The following FRMPD3 variants were observed in gnomAD, a reference collection of about 807,000 sequenced individuals.
The protein encoded by FRMPD3 is FERM and PDZ domain containing 3, also known as FERM and PDZ domain-containing protein 3.
A neutral mutation model predicts 97.9 loss-of-function variants in FRMPD3; 42 were observed. The observed-to-expected ratio is 0.43, with a 90% CI of 0.34 to 0.55. The LOEUF is 0.55. Ranked by LOEUF, FRMPD3 falls within the 20% of genes least tolerant of loss-of-function variation. The probability of loss-of-function intolerance (pLI) is 0.03; values close to 1 mark genes in which losing one functional copy is unlikely to be tolerated. For synonymous variants in FRMPD3, 577 were observed against 581.1 expected, an observed-to-expected ratio of 0.99 and a Z score of 0.10; for missense variants, 1,303 against 1,457.7, an observed-to-expected ratio of 0.89 and a Z score of 1.73.
intron 1 of FRMPD3, among the ~76,000 whole-genome samples, chrX:107,472,549 G>T (rs1183927979): frequency 9.0e-6 from 1 of 110,960 alleles, no homozygotes; most frequent in East Asian, 2.8e-4. Context: ...ACCATAATAA[G>T]TGTGTGAATC....
intron 1 of FRMPD3, among the ~76,000 whole-genome samples, chrX:107,474,425 T>C (rs918305117): frequency 5.5e-5 from 6 of 109,912 alleles, no homozygotes; most frequent in African/African-American, 2.0e-4. Context: ...AGCACAGGGA[T>C]CAAGAGATAG....
At chrX:107,478,699 G>T (rs934298042) in intron 1 of FRMPD3, among the ~76,000 whole-genome samples, 3 of 112,091 alleles carry the variant, frequency 2.7e-5, no homozygotes, top group African/African-American at 9.7e-5. Context: ...GGTTTTGCTA[G>T]ATTGTAAAGC....
intron 1 of FRMPD3, among the ~76,000 whole-genome samples, chrX:107,496,057 C>T (rs769320173): frequency 1.8e-5 from 2 of 111,817 alleles, no homozygotes; most frequent in South Asian, 3.8e-4. Context: ...ATGATAGTAT[C>T]AAGCTGACAG....
chrX:107,571,334 T>C (rs566908365), intron 12 of FRMPD3, among the ~76,000 whole-genome samples: 3 of 112,479 alleles, frequency 2.7e-5, no homozygotes, highest in African/African-American at 9.7e-5. Flanking sequence ...TTGCCTGCTT[T>C]TGATTTCATT....
At position 107,597,945 on chromosome X, in the gene FRMPD3, A is replaced by G. The variant is rs111382527; in HGVS notation, c.2066A>G (p.Gln689Arg). 8.3e-7 allele frequency: 1 copy of G among 1,208,802 alleles called. No individual in the cohort carries two copies. Among genetic ancestry groups the G allele is most frequent in the African/African-American group, 1.8e-5 (1 of 57,061 alleles). Residue 689 changes from glutamine (Q) to arginine (R), a missense_variant, in exon 14 of 15, where the codon CAG (glutamine) becomes CGG (arginine). Gln to Arg is a conservative substitution (Grantham distance 43, BLOSUM62 1). Transcript: ENST00000683843. ...DEDDPKRRAVQSQEQGRHLRG... is the reference protein window; with the variant it reads ...DEDDPKRRAVRSQEQGRHLRG... ...GATGACCCCAAGCGCCGGGCTGTCC[A>G]GAGCCAGGAACAAGGACGCCACCTG...
intron 1 of FRMPD3, among the ~76,000 whole-genome samples, chrX:107,485,294 CA>C (rs1921476599): frequency 8.9e-6 from 1 of 112,137 alleles, no homozygotes; most frequent in Non-Finnish European, 1.9e-5. Flanking sequence ...CGAGTCTTTG[CA>C]GGGACTGCAA....
chrX:107,500,094 A>G (rs775840373), intron 1 of FRMPD3, among the ~76,000 whole-genome samples: 1 of 111,895 alleles, frequency 8.9e-6, no homozygotes, highest in Non-Finnish European at 1.9e-5. Context: ...TTTCCTCTTT[A>G]TTATTCTTTT....
chrX:107,585,514 G>A (rs990806034), intron 13 of FRMPD3, among the ~76,000 whole-genome samples: 4 of 111,460 alleles, frequency 3.6e-5, no homozygotes, highest in Non-Finnish European at 7.5e-5. Context: ...TCCTTGTCTC[G>A]TACTGGTTTT....
chrX:107,507,615 C>G (rs1922067965), intron 1 of FRMPD3, among the ~76,000 whole-genome samples: 1 of 112,682 alleles, frequency 8.9e-6, no homozygotes, highest in Admixed American at 9.3e-5. Context: ...GGAGCCTCAG[C>G]GTTCGCGAAG....
At chrX:107,527,771 T>A (rs898733038) in intron 2 of FRMPD3, among the ~76,000 whole-genome samples, 4 of 111,117 alleles carry the variant, frequency 3.6e-5, no homozygotes, top group Admixed American at 9.6e-5. Flanking sequence ...AATTTTGCAA[T>A]CCTCCAAGGG....
chrX:107,533,464 T>G, intron 3 of FRMPD3, 41 bp from the exon 4 acceptor site: 1 of 1,131,210 alleles, frequency 8.8e-7, no homozygotes, highest in Non-Finnish European at 1.2e-6. Context: ...GAATACCTAG[T>G]GCATGATACA....
chrX:107,470,887 G>A (rs1335951173), intron 1 of FRMPD3, among the ~76,000 whole-genome samples: 1 of 112,307 alleles, frequency 8.9e-6, no homozygotes, highest in Non-Finnish European at 1.9e-5. Context: ...CAAAGGGTGG[G>A]TGGTGGTACC....
At chrX:107,585,785 A>G (rs1050721891) in intron 13 of FRMPD3, among the ~76,000 whole-genome samples, 9 of 112,316 alleles carry the variant, frequency 8.0e-5, no homozygotes, top group African/African-American at 2.9e-4. Context: ...CATCCCAGGG[A>G]TGAAGCCAAC....
At chrX:107,594,098 G>A (rs1487516380) in intron 13 of FRMPD3, among the ~76,000 whole-genome samples, 1 of 111,408 alleles carries the variant, frequency 9.0e-6, no homozygotes. Flanking sequence ...TCACCTCCTT[G>A]GTGTTTTATT....
At chrX:107,487,815 G>T (rs773270782) in intron 1 of FRMPD3, among the ~76,000 whole-genome samples, 2 of 111,972 alleles carry the variant, frequency 1.8e-5, no homozygotes, top group Non-Finnish European at 3.8e-5. Context: ...ATCTTTTCAT[G>T]TCACCCAAAA....
intron 1 of FRMPD3, among the ~76,000 whole-genome samples, chrX:107,480,890 AGGAAG>A (rs1921335412): frequency 1.4e-5 from 1 of 69,250 alleles, no homozygotes; most frequent in Non-Finnish European, 2.8e-5. Context: ...GAAGGAAGGA[AGGAAG>A]GAAAGAAAGA....
rs1569416846 is a variant in FRMPD3, at chrX:107,530,498, A to G, written c.238A>G (p.Ile80Val). 2 of 1,181,678 alleles carry G rather than the reference A, an allele frequency of 1.7e-6. No homozygotes were observed. The highest frequency in any genetic ancestry group is 2.3e-6 in the Non-Finnish European group (2 of 876,959). The part of the protein sequence containing the change: ...DVSEAPRERL[I>V]ELIRSAKEFI... ...GAGTGAAGCCCCGAGGGAGAGACTC[A>G]TAGAACTTATCAGGTAACAGGGGCC... The change falls in exon 3 of 15, where the codon ATA (isoleucine) becomes GTA (valine). Residue 80 changes from isoleucine to valine, a missense_variant. Physicochemically the swap from Ile to Val is conservative, Grantham distance 29 (BLOSUM62 3). Coordinates refer to ENST00000683843, the MANE Select transcript of FRMPD3 (RefSeq NM_001388459.1).
At chrX:107,507,341 C>T (rs1922058344) in intron 1 of FRMPD3, among the ~76,000 whole-genome samples, 1 of 109,814 alleles carries the variant, frequency 9.1e-6, no homozygotes, top group African/African-American at 3.3e-5. Context: ...GGAAAAGTGG[C>T]GGCGCGAGCG....
chrX:107,602,689 C>T lies in FRMPD3; in HGVS notation c.4650C>T (p.Cys1550=). Residue 1550 remains cysteine, a synonymous_variant, in exon 15 of 15, where the codon TGC becomes TGT. Transcript: ENST00000683843. ...RTLQVLDAAT[C]SSSSPEASRT... ...TGCAGGTGCTGGATGCTGCTACCTGCAGCAGCAGCAGCCCTGAGGCCTCCC... is the reference window on the plus strand; with the variant it reads ...TGCAGGTGCTGGATGCTGCTACCTGTAGCAGCAGCAGCCCTGAGGCCTCCC... The T allele has an allele frequency of 2.5e-6, 3 of 1,207,182 alleles. No individual in the cohort carries two copies. The highest frequency in any genetic ancestry group is 2.2e-6 in the Non-Finnish European group (2 of 893,833).
Sources: allele counts gnomAD v4.1 joint callset (sites outside exome capture counted in the v4.1 genomes callset), GRCh38; gene constraint gnomAD v4.1.1; transcripts MANE v1.5; gene names NCBI Gene and HGNC (gene_info 2026-07-23, HGNC 2026-07-21).